NOTCH2NLA: variants seen among roughly 807,000 people sequenced by gnomAD.
NOTCH2NLA encodes the protein notch homolog 2 N-terminal-like protein A.
At chr1:146,186,831 T>C (rs1245791535) in intron 2 of NOTCH2NLA, among the ~76,000 whole-genome samples, 1 of 134,444 alleles carries the variant, frequency 7.4e-6, no homozygotes, top group Middle Eastern at 3.3e-3. Context: ...TGTATGGTAT[T>C]ACCACCCTGA....
intron 2 of NOTCH2NLA, among the ~76,000 whole-genome samples, chr1:146,172,976 G>C (rs1662069364): frequency 1.3e-5 from 2 of 149,636 alleles, no homozygotes; most frequent in African/African-American, 2.5e-5. Context: ...TCTGTGATCT[G>C]TCTGGTAGAA....
At position 146,187,361 on chromosome 1, in the gene NOTCH2NLA, T is replaced by A. The variant is rs2746802; in HGVS notation, c.38+1939A>T. 4.5e-5 allele frequency among the ~76,000 whole-genome samples: 6 copies of A among 133,724 alleles called. 1 individual carries two copies. Among genetic ancestry groups the A allele is most frequent in the African/African-American group, 1.5e-4 (6 of 39,306 alleles). 87.7% of individuals were successfully genotyped at this position (133,724 alleles called of 152,430 possible). ...CACACATGTGCATGTGTCCTTATAG[T>A]AGAATGATTTATAATCCTTTGGGTA... On this transcript the variant is annotated intron_variant, in intron 2 of 4. Transcript: ENST00000362074.
At chr1:146,172,566 T>C (rs2102297397) in intron 2 of NOTCH2NLA, among the ~76,000 whole-genome samples, 1 of 151,858 alleles carries the variant, frequency 6.6e-6, no homozygotes, top group East Asian at 1.9e-4. Context: ...GTGAGAAACA[T>C]CATGCTTCCC....
At chr1:146,179,221 C>CTCTT (rs1662415269) in intron 2 of NOTCH2NLA, among the ~76,000 whole-genome samples, 1 of 98,408 alleles carries the variant, frequency 1.0e-5, no homozygotes, top group Non-Finnish European at 2.4e-5. Flanking sequence ...TCCATTCTTG[C>CTCTT]TCTTGCCTTA....
Position 146,228,711 on chromosome 1 carries a change from T to C in NOTCH2NLA, c.-47A>G, listed in dbSNP as rs587600877. 1.3e-6 allele frequency: 2 copies of C among 1,542,808 alleles called. No homozygotes were observed. The highest frequency in any genetic ancestry group is 1.4e-5 in the African/African-American group (1 of 70,260). On this transcript the variant is annotated splice_region_variant and 5_prime_UTR_variant, in exon 1 of 5. An upstream start codon of the reference 5' UTR is lost. Transcript: ENST00000362074. ...GCGCCCCTCAGCCCGATACTCACCA[T>C]GCGCGGGGGTCGCGCAGCACAGCCA...
chr1:146,158,490 T>C (rs1661279631), intron 3 of NOTCH2NLA, among the ~76,000 whole-genome samples: 2 of 151,162 alleles, frequency 1.3e-5, no homozygotes, highest in Non-Finnish European at 1.5e-5. Flanking sequence ...ACAAAGGACA[T>C]GAACTCATCC....
At chr1:146,226,190 GAAT>G (rs1297288712) in intron 1 of NOTCH2NLA, among the ~76,000 whole-genome samples, 4 of 149,490 alleles carry the variant, frequency 2.7e-5, no homozygotes, top group East Asian at 3.9e-4. Flanking sequence ...AAAAAAAAAG[GAAT>G]AATAAGAAAG....
At chr1:146,180,799 TAATA>T (rs1203976778) in intron 2 of NOTCH2NLA, among the ~76,000 whole-genome samples, 1 of 130,882 alleles carries the variant, frequency 7.6e-6, no homozygotes, top group African/African-American at 2.5e-5. Context: ...TATGCTAGCT[TAATA>T]AATTTTAAAG....
At position 146,179,855 on chromosome 1, in the gene NOTCH2NLA, C is replaced by T. The variant is rs1662453571; in HGVS notation, c.38+9445G>A. ...TTACAAACTGTTTTATTTTACACAT[C>T]TCTGTATGCTTCATCTCCCCAGCAA... On this transcript the variant is annotated intron_variant, in intron 2 of 4. Coordinates refer to ENST00000362074, the Ensembl canonical transcript of NOTCH2NLA. Among the ~76,000 whole-genome samples, 5 of 122,744 alleles carry T rather than the reference C, an allele frequency of 4.1e-5. No homozygotes were observed. The Admixed American group carries it at 4.4e-4, about 11-fold the overall frequency. 80.5% of individuals were successfully genotyped at this position (122,744 alleles called of 152,430 possible). A position where few individuals can be genotyped will look rare whatever the true frequency, so the allele number is the denominator to read the frequency against.
At chr1:146,172,994 C>G (rs1445164451) in intron 2 of NOTCH2NLA, among the ~76,000 whole-genome samples, 2 of 150,138 alleles carry the variant, frequency 1.3e-5, no homozygotes, top group African/African-American at 4.9e-5. Flanking sequence ...GAATAACAGG[C>G]CAAATCAACC....
chr1:146,207,811 C>T (rs1274873204), intron 1 of NOTCH2NLA, among the ~76,000 whole-genome samples: 3 of 100,628 alleles, frequency 3.0e-5, no homozygotes, highest in Non-Finnish European at 4.4e-5. Flanking sequence ...CCCAATACCA[C>T]TTTCTTTTTT....
chr1:146,187,690 C>A (rs1553810557), intron 2 of NOTCH2NLA, among the ~76,000 whole-genome samples: 1 of 135,756 alleles, frequency 7.4e-6, no homozygotes, highest in South Asian at 2.3e-4. Context: ...GGGTTAACTA[C>A]CACAAGAGTT....
chr1:146,173,279 TAG>T (rs587672617), intron 2 of NOTCH2NLA, among the ~76,000 whole-genome samples: 59 of 84,574 alleles, frequency 7.0e-4, no homozygotes, highest in African/African-American at 2.6e-3. Flanking sequence ...TGAATTTGGT[TAG>T]AGAGTGAAAA....
intron 1 of NOTCH2NLA, among the ~76,000 whole-genome samples, chr1:146,210,325 G>T (rs1176808573): frequency 1.1e-3 from 15 of 13,470 alleles, no homozygotes; most frequent in East Asian, 2.8e-3. Flanking sequence ...TTTTCATGTG[G>T]CCTCAAAGAA....
intron 1 of NOTCH2NLA, among the ~76,000 whole-genome samples, chr1:146,219,679 A>T (rs1664011941): frequency 1.0e-5 from 1 of 97,612 alleles, no homozygotes. Context: ...GCATATTAAG[A>T]TTAAGTAATA....
chr1:146,185,333 A>G (rs1662708389), intron 2 of NOTCH2NLA, among the ~76,000 whole-genome samples: 1 of 135,904 alleles, frequency 7.4e-6, no homozygotes, highest in African/African-American at 2.5e-5. Flanking sequence ...ATCAAATTTA[A>G]TTACATATTT....
chr1:146,171,486 T>C (rs1553807086), intron 2 of NOTCH2NLA, among the ~76,000 whole-genome samples: 2 of 126,484 alleles, frequency 1.6e-5, no homozygotes, highest in African/African-American at 5.2e-5. Flanking sequence ...CAAACCCAAG[T>C]AGACTCTAGA....
At chr1:146,171,399 C>G (rs1429813735) in intron 2 of NOTCH2NLA, among the ~76,000 whole-genome samples, 1 of 141,444 alleles carries the variant, frequency 7.1e-6, no homozygotes, top group Non-Finnish European at 1.6e-5. Flanking sequence ...CCACTGCACT[C>G]CAGCCTGGGC....
chr1:146,159,064 G>C (rs1661317443), intron 3 of NOTCH2NLA, among the ~76,000 whole-genome samples: 1 of 152,102 alleles, frequency 6.6e-6, no homozygotes, highest in South Asian at 2.1e-4. Context: ...AACTGAAACA[G>C]AAAGATCCCC....
Sources: allele counts gnomAD v4.1 joint callset (sites outside exome capture counted in the v4.1 genomes callset), GRCh38; gene constraint gnomAD v4.1.1; transcripts MANE v1.5; gene names NCBI Gene and HGNC (gene_info 2026-07-23, HGNC 2026-07-21).